Variants in KAT2B observed in about 807,000 individuals in gnomAD.
KAT2B encodes histone acetyltransferase KAT2B.
In KAT2B, 36 loss-of-function variants were observed where a neutral mutation model predicts 105.9. That is an observed-to-expected ratio of 0.34 (90% CI 0.26 to 0.45). KAT2B has a LOEUF of 0.45. KAT2B is among the 20% of genes least tolerant of loss of function. The pLI, the probability that KAT2B is intolerant of heterozygous loss-of-function variation, is 1.00. For synonymous variants in KAT2B, 397 were observed against 377.9 expected, an observed-to-expected ratio of 1.05 and a Z score of -0.59; for missense variants, 820 against 1,021.6, an observed-to-expected ratio of 0.80 and a Z score of 2.69.
chr3:20,134,661 C>G (rs987471153), intron 11 of KAT2B, among the ~76,000 whole-genome samples: 6 of 152,182 alleles, frequency 3.9e-5, no homozygotes, highest in African/African-American at 4.8e-5. Flanking sequence ...CCCACCTCAG[C>G]CTCCCAAAGT....
chr3:20,062,121 C>CAT (rs1210843564), intron 1 of KAT2B, among the ~76,000 whole-genome samples: 31 of 54,100 alleles, frequency 5.7e-4, no homozygotes, highest in South Asian at 2.2e-3. Context: ...TTATATAAAA[C>CAT]ATATATATAT....
chr3:20,077,665 T>C (rs1698442963), intron 2 of KAT2B, among the ~76,000 whole-genome samples: 1 of 152,216 alleles, frequency 6.6e-6, no homozygotes, highest in African/African-American at 2.4e-5. Flanking sequence ...AAATTATTTC[T>C]ACTGGAAAAT....
intron 1 of KAT2B, among the ~76,000 whole-genome samples, chr3:20,047,168 T>C (rs1459386709): frequency 6.6e-6 from 1 of 150,528 alleles, no homozygotes; most frequent in Non-Finnish European, 1.5e-5. Context: ...CCTCCCACCC[T>C]AGTCTCCCAA....
intron 2 of KAT2B, among the ~76,000 whole-genome samples, chr3:20,081,887 A>ATATATATG (rs1559305725): frequency 6.8e-6 from 1 of 148,008 alleles, no homozygotes; most frequent in Non-Finnish European, 1.5e-5. Flanking sequence ...TCATATATAT[A>ATATATATG]TATGTATAAA....
chr3:20,110,848 C>G (rs1036013320), intron 5 of KAT2B, among the ~76,000 whole-genome samples: 1 of 152,114 alleles, frequency 6.6e-6, no homozygotes, highest in South Asian at 2.1e-4. Context: ...TCCCTCTGGT[C>G]TGGGTCCTCC....
Position 20,107,006 on chromosome 3 carries a change from TATATATATA to T in KAT2B, c.852-4589_852-4581del, listed in dbSNP as rs1337849504. 5.0e-4 allele frequency among the ~76,000 whole-genome samples: 21 copies of T among 42,214 alleles called. No individual in the cohort carries two copies. In the East Asian group the frequency reaches 8.0e-3, roughly 16 times the overall value. The allele number at this position is 42,214 out of a possible 152,430, so 27.7% of individuals were successfully genotyped here. ...ATATATATATATATATATATATATA[TATATATATA>T]TTTTTTTTTTTTTTTTTTTTTTTTT... is the stretch of plus-strand genomic sequence containing the variant. On this transcript the variant is annotated intron_variant, in intron 5 of 17. Transcript: ENST00000263754.
At chr3:20,060,257 TG>T (rs1698076842) in intron 1 of KAT2B, among the ~76,000 whole-genome samples, 2 of 152,330 alleles carry the variant, frequency 1.3e-5, no homozygotes, top group South Asian at 4.1e-4. Context: ...GTGGATTTGC[TG>T]GGTCATGTGG....
At chr3:20,088,836 T>G (rs1698665479) in intron 2 of KAT2B, among the ~76,000 whole-genome samples, 2 of 152,212 alleles carry the variant, frequency 1.3e-5, no homozygotes, top group African/African-American at 4.8e-5. Context: ...TCAAGAAGCT[T>G]TTTCCTATGT....
chr3:20,060,819 C>A (rs1012561741), intron 1 of KAT2B, among the ~76,000 whole-genome samples: 7 of 151,690 alleles, frequency 4.6e-5, no homozygotes, highest in African/African-American at 1.7e-4. Flanking sequence ...GAGGTACATG[C>A]CTGTGGTCCT....
chr3:20,064,918 C>T (rs1698197912), intron 1 of KAT2B, among the ~76,000 whole-genome samples: 1 of 152,212 alleles, frequency 6.6e-6, no homozygotes, highest in South Asian at 2.1e-4. Context: ...CTGTCTTTCT[C>T]CTGTTCCTCT....
At chr3:20,057,125 CAG>C (rs956826837) in intron 1 of KAT2B, among the ~76,000 whole-genome samples, 2 of 152,016 alleles carry the variant, frequency 1.3e-5, no homozygotes, top group East Asian at 1.9e-4. Context: ...ATAGATCTGA[CAG>C]AGTTTGAAAG....
At chr3:20,132,159 G>A (rs1559327917) in intron 11 of KAT2B, among the ~76,000 whole-genome samples, 1 of 152,146 alleles carries the variant, frequency 6.6e-6, no homozygotes, top group Non-Finnish European at 1.5e-5. Context: ...CGGATCACCT[G>A]AGGTTGGGAG....
At chr3:20,054,495 T>TG (rs750896023) in intron 1 of KAT2B, among the ~76,000 whole-genome samples, 2 of 152,150 alleles carry the variant, frequency 1.3e-5, no homozygotes, top group Non-Finnish European at 2.9e-5. Flanking sequence ...TCACCTAATA[T>TG]CAGGAGGAGG....
chr3:20,052,954 C>T (rs143391774), intron 1 of KAT2B, among the ~76,000 whole-genome samples: 16 of 152,230 alleles, frequency 1.1e-4, no homozygotes, highest in African/African-American at 1.7e-4. Context: ...CCAGCCTGGG[C>T]GACAAGAGCT....
rs780331317 is a variant in KAT2B, at chr3:20,126,057, C to T, written c.1566C>T (p.Phe522=). Residue 522 remains phenylalanine, a synonymous_variant, in exon 10 of 18, where the codon TTC becomes TTT. Transcript: ENST00000263754. ...GGCTGGTTGGCCTACAGAACGTTTT[C>T]TCCCACCAGCTGCCCCGAATGCCAA... is the stretch of plus-strand genomic sequence containing the variant. The part of the protein sequence containing the change: ...LMWLVGLQNV[F]SHQLPRMPKE... 3.1e-6 allele frequency: 5 copies of T among 1,613,830 alleles called. No individual in the cohort carries two copies. The highest frequency in any genetic ancestry group is 2.2e-5 in the South Asian group (2 of 91,050).
intron 9 of KAT2B, 48 bp from the exon 10 acceptor site, chr3:20,125,857 C>T: frequency 6.8e-7 from 1 of 1,480,524 alleles, no homozygotes; most frequent in Non-Finnish European, 9.4e-7. Flanking sequence ...TCCCCACTGT[C>T]TTGAGAGAAT....
intron 1 of KAT2B, among the ~76,000 whole-genome samples, chr3:20,068,707 T>C (rs569676611): frequency 6.6e-6 from 1 of 152,306 alleles, no homozygotes; most frequent in East Asian, 1.9e-4. Context: ...TCAATAAATA[T>C]TGTTGAAAGA....
chr3:20,144,132 T>C (rs1311245524), intron 13 of KAT2B, among the ~76,000 whole-genome samples: 1 of 152,128 alleles, frequency 6.6e-6, no homozygotes, highest in African/African-American at 2.4e-5. Flanking sequence ...CCACAATCTT[T>C]AAGGTGCTAC....
At chr3:20,152,236 T>G (rs775794383) in intron 17 of KAT2B, 96 bp from the exon 18 acceptor site, 3 of 747,224 alleles carry the variant, frequency 4.0e-6, no homozygotes, top group Non-Finnish European at 6.3e-6. Context: ...AAAAATGTAA[T>G]CAAACCAACA....
Sources: gnomAD v4.1 joint callset for allele counts (sites outside exome capture counted in the v4.1 genomes callset) on GRCh38, gnomAD v4.1.1 for gene constraint, MANE v1.5 for transcripts, NCBI Gene and HGNC (gene_info 2026-07-23, HGNC 2026-07-21) for gene names.